STRN3: variants seen among roughly 807,000 people sequenced by gnomAD.
STRN3 encodes striatin-3.
In STRN3, 29 loss-of-function variants were observed where a neutral mutation model predicts 95.6. The ratio of observed to expected loss-of-function variants is 0.30; its 90% CI spans 0.23 to 0.41. The LOEUF is 0.41. Ranked by LOEUF, STRN3 falls within the 10% of genes least tolerant of loss-of-function variation. STRN3 has a pLI of 1.00. For synonymous variants in STRN3, 331 were observed against 357.6 expected, an observed-to-expected ratio of 0.93 and a Z score of 0.84; for missense variants, 890 against 972.1, an observed-to-expected ratio of 0.92 and a Z score of 1.12.
chr14:30,935,253 C>G lies in STRN3; in HGVS notation c.898G>C (p.Glu300Gln), dbSNP rs1222965399. 7 of 1,614,000 alleles carry G rather than the reference C, an allele frequency of 4.3e-6. No homozygotes were observed. In the African/African-American group the frequency reaches 9.3e-5, roughly 22 times the overall value. The change falls in exon 7 of 18, where the codon GAA becomes CAA. Residue 300 changes from glutamate (E) to glutamine (Q), a missense_variant. This residue lies in a region of STRN3 where 526 missense variants were observed against 526.3 expected (regional missense o/e 1.00). Transcript: ENST00000357479. ...AAAAAATCAAATTCTTTCAGTGCTT[C>G]CTCAGTATCAGGATCGTCAGTTAGG... is the stretch of plus-strand genomic sequence containing the variant. ...ADLTDDPDTEEALKEFDFLVT... is the reference protein window; with the variant it reads ...ADLTDDPDTEQALKEFDFLVT...
At chr14:30,902,388 C>T in intron 16 of STRN3, 148 bp downstream of exon 16, 1 of 540,954 alleles carries the variant, frequency 1.8e-6, no homozygotes, top group Non-Finnish European at 3.2e-6. Flanking sequence ...CATAAGCGTG[C>T]AACATTAAGA....
At chr14:30,957,013 T>A (rs958026552) in intron 1 of STRN3, among the ~76,000 whole-genome samples, 3 of 151,128 alleles carry the variant, frequency 2.0e-5, no homozygotes, top group African/African-American at 7.3e-5. Flanking sequence ...CAAAAATTAG[T>A]TGTGCATGAT....
intron 8 of STRN3, among the ~76,000 whole-genome samples, chr14:30,925,239 A>C: frequency 7.1e-6 from 1 of 141,220 alleles, no homozygotes; most frequent in African/African-American, 2.6e-5. Context: ...GGGGGCGGGC[A>C]GGGGGGTAAA....
chr14:31,011,428 G>A (rs1480309628), intron 1 of STRN3, among the ~76,000 whole-genome samples: 1 of 152,166 alleles, frequency 6.6e-6, no homozygotes, highest in Non-Finnish European at 1.5e-5. Context: ...GATCACTGAA[G>A]GACAGGAGTT....
At chr14:31,017,229 G>C (rs998390826) in intron 1 of STRN3, among the ~76,000 whole-genome samples, 14 of 152,158 alleles carry the variant, frequency 9.2e-5, no homozygotes, top group African/African-American at 3.4e-4. Context: ...GCCGGGCGCA[G>C]TGGCTCACGC....
intron 1 of STRN3, among the ~76,000 whole-genome samples, chr14:30,992,389 A>G (rs1019362254): frequency 4.0e-5 from 6 of 151,324 alleles, no homozygotes; most frequent in African/African-American, 1.5e-4. Flanking sequence ...CTGGAGACAG[A>G]GCAAGACTCT....
intron 4 of STRN3, among the ~76,000 whole-genome samples, chr14:30,948,834 G>C (rs1056395326): frequency 1.3e-5 from 2 of 152,198 alleles, no homozygotes; most frequent in African/African-American, 4.8e-5. Context: ...TTTCTCTACT[G>C]TCCAGAAAAG....
chr14:30,960,597 C>T (rs1371041615), intron 1 of STRN3, among the ~76,000 whole-genome samples: 5 of 152,018 alleles, frequency 3.3e-5, no homozygotes, highest in East Asian at 1.9e-4. Flanking sequence ...AGGCTGGGCG[C>T]GGTGGCTCAT....
intron 4 of STRN3, among the ~76,000 whole-genome samples, chr14:30,948,952 A>G (rs1879501498): frequency 6.6e-6 from 1 of 152,254 alleles, no homozygotes; most frequent in Non-Finnish European, 1.5e-5. Flanking sequence ...CATACAACCC[A>G]GGTAAAAATG....
At chr14:30,965,034 C>G (rs1185557211) in intron 1 of STRN3, among the ~76,000 whole-genome samples, 10 of 152,186 alleles carry the variant, frequency 6.6e-5, no homozygotes, top group Middle Eastern at 3.4e-3. Flanking sequence ...AGTGTTCACA[C>G]AGAAAACATG....
At position 31,023,320 on chromosome 14, in the gene STRN3, C is replaced by G. The variant is rs191793724; in HGVS notation, c.282+2584G>C. Among the ~76,000 whole-genome samples the G allele has an allele frequency of 3.9e-5, 6 of 152,226 alleles. No individual in the cohort carries two copies. The East Asian group carries it at 1.2e-3, about 29-fold the overall frequency. On this transcript the variant is annotated intron_variant, in intron 1 of 17. Transcript: ENST00000357479. ...CTTACTAACAATGCTTTACCTGAGT[C>G]TAAGGTAAGGAAGAATCAGAGACAG...
At chr14:30,938,830 A>G (rs1459905080) in intron 5 of STRN3, among the ~76,000 whole-genome samples, 2 of 152,204 alleles carry the variant, frequency 1.3e-5, no homozygotes. Flanking sequence ...CATCATAACG[A>G]TAGGTGGAAT....
chr14:30,912,639 C>T (rs1035863413), intron 10 of STRN3, among the ~76,000 whole-genome samples: 17 of 152,124 alleles, frequency 1.1e-4, no homozygotes, highest in African/African-American at 4.1e-4. Context: ...AAAGTCTGAA[C>T]TAAAGACCCT....
chr14:30,917,751 G>C (rs2139009046), intron 9 of STRN3, among the ~76,000 whole-genome samples: 1 of 151,806 alleles, frequency 6.6e-6, no homozygotes, highest in East Asian at 1.9e-4. Context: ...AATTATGAGA[G>C]GGAAAAAATG....
intron 3 of STRN3, among the ~76,000 whole-genome samples, chr14:30,952,980 T>G (rs1383151585): frequency 6.6e-6 from 1 of 152,184 alleles, no homozygotes. Flanking sequence ...CCCCACCCTT[T>G]TTAAAAATGT....
intron 16 of STRN3, among the ~76,000 whole-genome samples, chr14:30,897,765 G>A (rs2138936098): frequency 6.6e-6 from 1 of 152,216 alleles, no homozygotes; most frequent in African/African-American, 2.4e-5. Flanking sequence ...TACTCTGCTA[G>A]CCCAAAGAAC....
At chr14:30,980,791 A>AT (rs529451732) in intron 1 of STRN3, among the ~76,000 whole-genome samples, 105 of 152,262 alleles carry the variant, frequency 6.9e-4, no homozygotes, top group Non-Finnish European at 1.3e-3. Flanking sequence ...CTTTAAAAAA[A>AT]TTTTTTTAAC....
At chr14:31,004,081 C>A (rs1012528453) in intron 1 of STRN3, among the ~76,000 whole-genome samples, 7 of 151,896 alleles carry the variant, frequency 4.6e-5, no homozygotes, top group African/African-American at 1.7e-4. Flanking sequence ...CCCAAGCATT[C>A]GAGACCAGCT....
chr14:30,980,127 C>A (rs1046713058), intron 1 of STRN3, among the ~76,000 whole-genome samples: 1 of 151,764 alleles, frequency 6.6e-6, no homozygotes, highest in Non-Finnish European at 1.5e-5. Context: ...TGCCTATAAT[C>A]CCAGCTACTC....
Sources: allele counts gnomAD v4.1 joint callset (sites outside exome capture counted in the v4.1 genomes callset), GRCh38; gene constraint gnomAD v4.1.1; regional missense constraint gnomAD v4.1.1; transcripts MANE v1.5; gene names NCBI Gene and HGNC (gene_info 2026-07-23, HGNC 2026-07-21).